The following NGLY1 variants were observed in gnomAD, a reference collection of about 807,000 sequenced individuals.
NGLY1 encodes the protein peptide-N(4)-(N-acetyl-beta-glucosaminyl)asparagine amidase.
NGLY1 carries 68 observed loss-of-function variants against 84.6 expected under a neutral mutation model. The ratio of observed to expected loss-of-function variants is 0.80; its 90% CI spans 0.66 to 0.98. NGLY1 has a LOEUF of 0.98. NGLY1 is among the 50% of genes least tolerant of loss of function. The pLI is 0.00. For missense variants in NGLY1, 779 were observed against 770.2 expected (o/e 1.01, Z -0.14); for synonymous variants, 280 against 275.2 (o/e 1.02, Z -0.17).
Position 25,720,038 on chromosome 3 carries a change from T to C in NGLY1, c.1765A>G (p.Thr589Ala), listed in dbSNP as rs1035243196. ...GTVEWKLRSD[T>A]AQVELTGDNS... The stretch of plus-strand genomic sequence containing the variant: ...CCGCCTGTCAGTTCTACTTGTGCTG[T>C]ATCAGATCGCAATTTCCATTCTACT... The change falls in exon 11 of 12, where the codon ACA becomes GCA. Residue 589 changes from threonine to alanine, a missense_variant. Thr to Ala is a moderately conservative substitution (Grantham distance 58). Coordinates refer to ENST00000280700, the MANE Select transcript of NGLY1 (RefSeq NM_018297.4). 1 of 1,613,612 alleles carries C rather than the reference T, an allele frequency of 6.2e-7. No homozygotes were observed. The highest frequency in any genetic ancestry group is 2.2e-5 in the East Asian group (1 of 44,846).
In NGLY1 at chr3:25,783,077, G is replaced by T; in HGVS notation, c.131+183C>A. 1 of 564,494 alleles carries T rather than the reference G, an allele frequency of 1.8e-6. No homozygotes were observed. The highest frequency in any genetic ancestry group is 3.1e-6 in the Non-Finnish European group (1 of 319,492). 35.0% of individuals were successfully genotyped at this position (564,494 alleles called of 1,614,324 possible). On this transcript the variant is annotated intron_variant, in intron 1 of 11. Transcript: ENST00000280700. The surrounding 1 kb of genome is among the most constrained non-coding windows in gnomAD (Gnocchi z 4.5). ...CTTTTCTCGAGCGGGGGTGGGACTTGGCCGGGTCCCGAGGCCCCTGGCCGG... is the reference window on the plus strand; with the variant it reads ...CTTTTCTCGAGCGGGGGTGGGACTTTGCCGGGTCCCGAGGCCCCTGGCCGG...
chr3:25,761,335 G>C (rs1707314538), intron 3 of NGLY1, among the ~76,000 whole-genome samples: 1 of 152,150 alleles, frequency 6.6e-6, no homozygotes, highest in African/African-American at 2.4e-5. Flanking sequence ...GAGGTACCAT[G>C]TCATTGAAAA....
At chr3:25,763,688 C>T (rs996819271) in intron 3 of NGLY1, among the ~76,000 whole-genome samples, 2 of 152,138 alleles carry the variant, frequency 1.3e-5, no homozygotes, top group South Asian at 2.1e-4. Context: ...TAGTTCTTCA[C>T]AAGTATATAT....
chr3:25,726,578 AG>A (rs1043575915), intron 10 of NGLY1, among the ~76,000 whole-genome samples: 2 of 152,200 alleles, frequency 1.3e-5, no homozygotes, highest in African/African-American at 4.8e-5. Context: ...AGAAGGGAGA[AG>A]GGACAATATA....
chr3:25,786,067 C>T (rs1357210744), upstream of NGLY1, among the ~76,000 whole-genome samples: 1 of 152,214 alleles, frequency 6.6e-6, no homozygotes, highest in Non-Finnish European at 1.5e-5. Flanking sequence ...TTCAACTCCT[C>T]CCCTTGCTAA....
intron 2 of NGLY1, among the ~76,000 whole-genome samples, chr3:25,767,129 T>C (rs1480675932): frequency 6.6e-6 from 1 of 151,880 alleles, no homozygotes; most frequent in Non-Finnish European, 1.5e-5. Context: ...CTGTCTCTAC[T>C]AAAAATACAA....
At chr3:25,745,375 G>A (rs1559541053) in intron 4 of NGLY1, among the ~76,000 whole-genome samples, 1 of 152,120 alleles carries the variant, frequency 6.6e-6, no homozygotes, top group Non-Finnish European at 1.5e-5. Context: ...TTACCTGCAT[G>A]GCTTTACCTA....
rs528613857 is a variant in NGLY1 at position 25,719,730 on chromosome 3, G to C, written c.1790-95C>G. On this transcript the variant is annotated intron_variant, in intron 11 of 11. Coordinates refer to ENST00000280700, the MANE Select transcript of NGLY1 (RefSeq NM_018297.4). ...GTATTTTATATAGGCTGATGTATAA[G>C]TTAAAATAAACCCTTAAAAATAAAT... 4.2e-5 allele frequency: 40 copies of C among 948,330 alleles called. No individual in the cohort carries two copies. The East Asian group carries it at 9.6e-4, about 23-fold the overall frequency. The allele number at this position is 948,330 out of a possible 1,614,324, so 58.7% of individuals were successfully genotyped here.
Position 25,755,177 on chromosome 3 carries a change from C to T in NGLY1, c.493-3914G>A. 3 of 1,280,808 alleles carry T rather than the reference C, an allele frequency of 2.3e-6. No individual in the cohort carries two copies. The South Asian group carries it at 3.6e-5, about 15-fold the overall frequency. 79.3% of individuals were successfully genotyped at this position (1,280,808 alleles called of 1,614,324 possible). A position where few individuals can be genotyped will look rare whatever the true frequency, so the allele number is the denominator to read the frequency against. On this transcript the variant is annotated intron_variant, in intron 3 of 11. Transcript: ENST00000280700. ...GTGTCGTGCTGATCTTTTTACCTCT[C>T]TTCCCCCAAGAGGTTTCTTACTGGA...
chr3:25,738,565 C>G (rs1455770750), intron 5 of NGLY1, among the ~76,000 whole-genome samples: 2 of 151,926 alleles, frequency 1.3e-5, no homozygotes, highest in Non-Finnish European at 2.9e-5. Flanking sequence ...GTCTGTTAAG[C>G]AAATGCTTAA....
chr3:25,781,290 A>C lies in NGLY1; in HGVS notation c.131+1970T>G, dbSNP rs77984408. Among the ~76,000 whole-genome samples, 975 of 152,186 alleles carry C rather than the reference A, an allele frequency of 6.4e-3. 8 individuals are homozygous for C. Among genetic ancestry groups the C allele is most frequent in the African/African-American group, 0.023 (938 of 41,510 alleles). On this transcript the variant is annotated intron_variant, in intron 1 of 11. Coordinates refer to ENST00000280700, the MANE Select transcript of NGLY1 (RefSeq NM_018297.4). ...TATATCATCTCTGGACCTCACATTA[A>C]TCTATTTTTCTCAGTAAAAGTATAC...
At position 25,743,897 on chromosome 3, in the gene NGLY1, A is replaced by C. The variant is rs181081835; in HGVS notation, c.659-4098T>G. 2.1e-3 allele frequency among the ~76,000 whole-genome samples: 315 copies of C among 152,312 alleles called. 2 individuals carry two copies. The highest frequency in any genetic ancestry group is 7.1e-3 in the African/African-American group (297 of 41,566). On this transcript the variant is annotated intron_variant, in intron 4 of 11. Transcript: ENST00000280700. ...GTTCCTCATTTAAACAATATCCTTA[A>C]CTAGGGGCTCAGAGAAATAAAAGTA...
At chr3:25,783,730 G>A (rs918316427), upstream of NGLY1, among the ~76,000 whole-genome samples, 2 of 152,096 alleles carry the variant, frequency 1.3e-5, no homozygotes, top group Non-Finnish European at 2.9e-5. The surrounding 1 kb of genome is among the most constrained non-coding windows in gnomAD (Gnocchi z 4.5). Flanking sequence ...TCGGCCGGCA[G>A]GGGCGAGGTG....
chr3:25,790,013 T>C, exon 1 of NGLY1: 1 of 972,262 alleles, frequency 1.0e-6, no homozygotes, highest in Non-Finnish European at 1.6e-6. Flanking sequence ...GGAAAGAGAG[T>C]CGAACGGGAC....
At chr3:25,754,945 A>G (rs969141181) in intron 3 of NGLY1, 1 of 730,382 alleles carries the variant, frequency 1.4e-6, no homozygotes, top group Non-Finnish European at 2.5e-6. Flanking sequence ...GCAAGATGGC[A>G]CTTCCCAAGA....
intron 2 of NGLY1, among the ~76,000 whole-genome samples, chr3:25,768,112 C>CAAA (rs1165791295): frequency 1.2e-4 from 6 of 49,146 alleles, no homozygotes; most frequent in African/African-American, 3.1e-4. Context: ...GACTCCATCT[C>CAAA]AAAAAAAAAA....
intron 4 of NGLY1, 29 bp downstream of exon 4, chr3:25,751,069 A>T (rs1183532049): frequency 6.3e-7 from 1 of 1,590,370 alleles, no homozygotes; most frequent in African/African-American, 1.4e-5. Flanking sequence ...ATTTACATTT[A>T]GCAATAAATG....
intron 6 of NGLY1, 174 bp from the exon 7 acceptor site, chr3:25,736,323 G>T (rs1411075052): frequency 6.4e-7 from 1 of 1,551,374 alleles, no homozygotes; most frequent in Non-Finnish European, 8.7e-7. Context: ...ATTAATTTCT[G>T]TCTCTTTGAA....
intron 10 of NGLY1, among the ~76,000 whole-genome samples, chr3:25,728,872 T>A (rs926243864): frequency 1.3e-5 from 2 of 152,108 alleles, no homozygotes; most frequent in African/African-American, 4.8e-5. Flanking sequence ...GGATTGATCA[T>A]ACATTTGATT....
Sources: gnomAD v4.1 joint callset for allele counts (sites outside exome capture counted in the v4.1 genomes callset) on GRCh38, gnomAD v4.1.1 for gene constraint, Gnocchi (gnomAD v3.1) non-coding constraint, MANE v1.5 for transcripts, NCBI Gene and HGNC (gene_info 2026-07-23, HGNC 2026-07-21) for gene names.